Variants in SGCZ observed in about 807,000 individuals in gnomAD.
SGCZ encodes the protein sarcoglycan zeta, also known as zeta-sarcoglycan.
Under a neutral mutation model 41.3 loss-of-function variants are expected in SGCZ, and 40 were observed. That is an observed-to-expected ratio of 0.97 (90% CI 0.75 to 1.26). The LOEUF is 1.26. Among genes scored for constraint, SGCZ ranks in the 50% most tolerant of loss-of-function variants. The probability of loss-of-function intolerance (pLI) is 0.00; values close to 1 mark genes in which losing one functional copy is unlikely to be tolerated. For missense variants in SGCZ, 552 were observed against 369.8 expected (o/e 1.49, Z -4.04); for synonymous variants, 206 against 137.5 (o/e 1.50, Z -3.49).
intron 1 of SGCZ, among the ~76,000 whole-genome samples, chr8:14,836,266 C>A (rs904018245): frequency 4.6e-5 from 7 of 152,124 alleles, no homozygotes; most frequent in Middle Eastern, 3.2e-3. Flanking sequence ...GAGTGAATCA[C>A]TTATGCTGAA....
chr8:14,295,698 C>G (rs1205293225), intron 3 of SGCZ, among the ~76,000 whole-genome samples: 1 of 152,058 alleles, frequency 6.6e-6, no homozygotes, highest in Non-Finnish European at 1.5e-5. Flanking sequence ...GTGAATTCTA[C>G]TTTTATGAAG....
At chr8:14,973,435 G>C (rs1416542919) in intron 1 of SGCZ, among the ~76,000 whole-genome samples, 1 of 152,130 alleles carries the variant, frequency 6.6e-6, no homozygotes, top group East Asian at 1.9e-4. Flanking sequence ...TACAGCACTT[G>C]AATGTCCTAC....
chr8:14,797,138 G>A (rs753479733), intron 1 of SGCZ, among the ~76,000 whole-genome samples: 1 of 147,790 alleles, frequency 6.8e-6, no homozygotes, highest in African/African-American at 2.4e-5. Flanking sequence ...AATTGACTTT[G>A]GAACTGGATA....
At chr8:14,448,526 C>T (rs753083548) in intron 2 of SGCZ, among the ~76,000 whole-genome samples, 1 of 152,128 alleles carries the variant, frequency 6.6e-6, no homozygotes, top group Non-Finnish European at 1.5e-5. Context: ...ATGGGAATTG[C>T]TGAGTCAAAT....
intron 4 of SGCZ, among the ~76,000 whole-genome samples, chr8:14,169,162 C>A (rs1229501791): frequency 1.3e-5 from 2 of 152,074 alleles, no homozygotes; most frequent in Non-Finnish European, 2.9e-5. Context: ...GAAGGTACAA[C>A]TTGACATTCC....
chr8:14,203,198 T>C (rs1805512373), intron 4 of SGCZ, among the ~76,000 whole-genome samples: 1 of 152,198 alleles, frequency 6.6e-6, no homozygotes, highest in South Asian at 2.1e-4. Context: ...GAAAGCAGAC[T>C]AATACAGATA....
chr8:14,592,260 C>A (rs1015534006), intron 1 of SGCZ, among the ~76,000 whole-genome samples: 1 of 152,022 alleles, frequency 6.6e-6, no homozygotes, highest in Non-Finnish European at 1.5e-5. Context: ...TTTGATGTCT[C>A]TCCAAATAAA....
At chr8:14,480,027 G>C (rs1005636586) in intron 2 of SGCZ, among the ~76,000 whole-genome samples, 1 of 152,186 alleles carries the variant, frequency 6.6e-6, no homozygotes, top group Admixed American at 6.5e-5. Context: ...TTACGGGCGT[G>C]AGCCACGCGA....
chr8:14,185,193 A>G (rs1449388758), intron 4 of SGCZ, among the ~76,000 whole-genome samples: 1 of 152,092 alleles, frequency 6.6e-6, no homozygotes, highest in Non-Finnish European at 1.5e-5. Context: ...CGAGGTCAGG[A>G]GATCAAGACC....
intron 1 of SGCZ, among the ~76,000 whole-genome samples, chr8:14,726,745 T>C (rs1486364572): frequency 1.3e-5 from 2 of 152,052 alleles, no homozygotes; most frequent in African/African-American, 4.8e-5. Context: ...CCTGCAACAA[T>C]ATGATGTTTT....
intron 1 of SGCZ, among the ~76,000 whole-genome samples, chr8:14,823,301 A>C (rs1164675978): frequency 6.6e-6 from 1 of 152,110 alleles, no homozygotes; most frequent in Non-Finnish European, 1.5e-5. Context: ...GACGACATAC[A>C]AAACAGAAGA....
chr8:15,081,136 T>C (rs560164988), intron 1 of SGCZ, among the ~76,000 whole-genome samples: 12 of 152,292 alleles, frequency 7.9e-5, no homozygotes, highest in East Asian at 3.9e-4. Context: ...CAAACTCATA[T>C]AGTATGCTTC....
intron 1 of SGCZ, among the ~76,000 whole-genome samples, chr8:14,885,985 T>TTATA (rs71209089): frequency 0.015 from 825 of 55,776 alleles, 16 homozygotes; most frequent in East Asian, 0.024. Context: ...GGACTTTATG[T>TTATA]TATATATATA....
chr8:14,317,200 T>C (rs1347663749), intron 3 of SGCZ, among the ~76,000 whole-genome samples: 3 of 152,018 alleles, frequency 2.0e-5, no homozygotes, highest in Non-Finnish European at 4.4e-5. Context: ...TAAAAATAAT[T>C]AAAAATAATA....
intron 3 of SGCZ, among the ~76,000 whole-genome samples, chr8:14,278,548 A>T (rs1455824639): frequency 6.6e-6 from 1 of 152,142 alleles, no homozygotes; most frequent in East Asian, 1.9e-4. Context: ...AGCGAAACTC[A>T]TTTCACGTTG....
At chr8:14,204,265 C>T (rs887424704) in intron 4 of SGCZ, among the ~76,000 whole-genome samples, 3 of 143,698 alleles carry the variant, frequency 2.1e-5, no homozygotes, top group African/African-American at 7.9e-5. Context: ...GGGTTCTTCT[C>T]ACTTCACTCT....
chr8:14,267,085 T>C (rs1054894046), intron 3 of SGCZ, among the ~76,000 whole-genome samples: 1 of 152,112 alleles, frequency 6.6e-6, no homozygotes, highest in Non-Finnish European at 1.5e-5. Context: ...CTTATTTAAT[T>C]TGGAATATAA....
intron 2 of SGCZ, among the ~76,000 whole-genome samples, chr8:14,457,264 A>G (rs1487154009): frequency 1.3e-5 from 2 of 152,234 alleles, no homozygotes; most frequent in Non-Finnish European, 2.9e-5. Context: ...AGGTGTAACT[A>G]GAAAAGAGTG....
At chr8:14,144,530 G>A (rs1043940034) in intron 5 of SGCZ, among the ~76,000 whole-genome samples, 1 of 152,178 alleles carries the variant, frequency 6.6e-6, no homozygotes, top group Admixed American at 6.5e-5. Context: ...GTGGCTTCAG[G>A]TGAGACTCAG....
Sources: gnomAD v4.1 joint callset for allele counts (sites outside exome capture counted in the v4.1 genomes callset) on GRCh38, gnomAD v4.1.1 for gene constraint, MANE v1.5 for transcripts, NCBI Gene and HGNC (gene_info 2026-07-23, HGNC 2026-07-21) for gene names.